HMCN2: variants seen among roughly 807,000 people sequenced by gnomAD.
HMCN2 encodes the protein hemicentin 2, also known as hemicentin-2.
A neutral mutation model predicts 377.5 loss-of-function variants in HMCN2; 325 were observed. That is an observed-to-expected ratio of 0.86 (90% CI 0.79 to 0.94). The LOEUF (loss-of-function observed/expected upper bound fraction) is 0.94, where lower values mean the gene tolerates loss of function less well. Ranked by LOEUF, HMCN2 falls within the 40% of genes least tolerant of loss-of-function variation. The pLI is 0.00. For synonymous variants in HMCN2, 2,007 were observed against 2,046.8 expected (o/e 0.98, Z 0.53); for missense variants, 4,543 against 4,725.3 (o/e 0.96, Z 1.13).
intron 15 of HMCN2, among the ~76,000 whole-genome samples, chr9:130,317,876 G>C (rs1041880190): frequency 6.6e-6 from 1 of 152,064 alleles, no homozygotes; most frequent in Admixed American, 6.5e-5. Context: ...AATTGAAAGC[G>C]GTCTGGGAGG....
Position 130,396,318 on chromosome 9 carries a change from G to A in HMCN2, c.11198+5G>A. 1 of 1,265,460 alleles carries A rather than the reference G, an allele frequency of 7.9e-7. No individual in the cohort carries two copies. The allele number at this position is 1,265,460 out of a possible 1,614,324, so 78.4% of individuals were successfully genotyped here. A position where few individuals can be genotyped will look rare whatever the true frequency, so the allele number is the denominator to read the frequency against. ...CCTGGATCCCAGGAGCCCCAGGTGG[G>A]AGAGGGAAGGGGTGGGCCTCAGGGA... is the stretch of plus-strand genomic sequence containing the variant. On this transcript the variant is annotated splice_donor_5th_base_variant and intron_variant, in intron 73 of 97. Coordinates refer to ENST00000683500, the MANE Select transcript of HMCN2 (RefSeq NM_001291815.2).
chr9:130,275,060 GC>G (rs1341003824), intron 1 of HMCN2, among the ~76,000 whole-genome samples: 2 of 152,160 alleles, frequency 1.3e-5, no homozygotes, highest in Non-Finnish European at 2.9e-5. Flanking sequence ...GCCATCTTGC[GC>G]CTGGACCCAC....
At chr9:130,396,410 C>T (rs1443718268) in intron 73 of HMCN2, 97 bp downstream of exon 73, 7 of 1,040,780 alleles carry the variant, frequency 6.7e-6, no homozygotes, top group Non-Finnish European at 7.6e-6. Flanking sequence ...AGAAAAGTGA[C>T]TTTATCATCA....
intron 24 of HMCN2, among the ~76,000 whole-genome samples, chr9:130,341,941 C>T (rs1034783690): frequency 4.6e-5 from 7 of 151,606 alleles, no homozygotes; most frequent in African/African-American, 1.2e-4. Context: ...TTTGGGAGGC[C>T]GAGGTGGGTG....
Position 130,368,416 on chromosome 9 carries a change from G to A in HMCN2, c.6766G>A (p.Asp2256Asn), listed in dbSNP as rs1303419312. 6.1e-6 allele frequency: 6 copies of A among 986,114 alleles called. No homozygotes were observed. The highest frequency in any genetic ancestry group is 7.2e-6 in the Non-Finnish European group (6 of 830,294). The allele number at this position is 986,114 out of a possible 1,614,324, so 61.1% of individuals were successfully genotyped here. The part of the protein sequence containing the change: ...CSNVVGNSSQ[D>N]LQLEVHVPPQ... Reference sequence around the variant, plus strand: ...CAACGTGGTGGGGAACAGCAGCCAGGACCTGCAGCTGGAGGTGCACGGTGG... The same window carrying A: ...CAACGTGGTGGGGAACAGCAGCCAGAACCTGCAGCTGGAGGTGCACGGTGG... Residue 2256 changes from aspartate to asparagine, a missense_variant, in exon 44 of 98, where the codon GAC (aspartate) becomes AAC (asparagine). Coordinates refer to ENST00000683500, the MANE Select transcript of HMCN2 (RefSeq NM_001291815.2).
chr9:130,295,667 G>A lies in HMCN2; in HGVS notation c.786G>A (p.Gly262=). The part of the protein sequence containing the change: ...GPEIEVQDPL[G]RILQEDEGLN... ...GAGCAGCCCTTGGGGCTTCCACAGG[G>A]AGGATCCTGCAGGAGGACGAGGGCC... Residue 262 remains glycine (G), a splice_region_variant and synonymous_variant, in exon 6 of 98, where the codon GGG becomes GGA. Coordinates refer to ENST00000683500, the MANE Select transcript of HMCN2 (RefSeq NM_001291815.2). 1 of 470,826 alleles carries A rather than the reference G, an allele frequency of 2.1e-6. No homozygotes were observed. Among genetic ancestry groups the A allele is most frequent in the South Asian group, 1.5e-5 (1 of 64,534 alleles). 29.2% of individuals were successfully genotyped at this position (470,826 alleles called of 1,614,324 possible).
chr9:130,280,975 C>T (rs567884057), intron 1 of HMCN2, among the ~76,000 whole-genome samples: 2 of 151,818 alleles, frequency 1.3e-5, no homozygotes, highest in Non-Finnish European at 1.5e-5. Flanking sequence ...TGGTGACAGG[C>T]GCCTGTAATC....
At chr9:130,368,254 G>C in intron 43 of HMCN2, 22 bp from the exon 44 acceptor site, 1 of 985,658 alleles carries the variant, frequency 1.0e-6, no homozygotes, top group South Asian at 4.7e-5. Context: ...TGGACCAGGA[G>C]TTTCTTTTTT....
chr9:130,287,951 C>G (rs1242458360), intron 4 of HMCN2, among the ~76,000 whole-genome samples: 2 of 152,150 alleles, frequency 1.3e-5, no homozygotes, highest in African/African-American at 2.4e-5. Context: ...GATTAGCGTG[C>G]CTTAACTCCC....
intron 90 of HMCN2, among the ~76,000 whole-genome samples, chr9:130,426,627 GCTGTCC>G (rs1301339211): frequency 2.0e-5 from 3 of 152,200 alleles, no homozygotes; most frequent in Non-Finnish European, 2.9e-5. Flanking sequence ...ATCAAGGCTG[GCTGTCC>G]CTACAATTTA....
rs1223240349 is a variant in HMCN2 at position 130,353,143 on chromosome 9, AC to A, written c.4803del (p.Tyr1601Ter). The A allele has an allele frequency of 7.7e-7, 1 of 1,304,170 alleles. No individual in the cohort carries two copies. Among genetic ancestry groups the A allele is most frequent in the Non-Finnish European group, 1.0e-6 (1 of 988,928 alleles). 80.8% of individuals were successfully genotyped at this position (1,304,170 alleles called of 1,614,324 possible). A position where few individuals can be genotyped will look rare whatever the true frequency, so the allele number is the denominator to read the frequency against. On this transcript the variant is annotated frameshift_variant, in exon 31 of 98. Coordinates refer to ENST00000683500, the MANE Select transcript of HMCN2 (RefSeq NM_001291815.2). LOFTEE classifies it high-confidence loss of function. ...GRAQSSDAGVYTCKASNAVGA... is the reference protein window; with the variant it reads ...GRAQSSDAGVXTCKASNAVGA... ...GCCCAGAGCTCCGATGCCGGCGTCT[AC>A]ACCTGCAAGGCCAGCAATGCTGTGG...
chr9:130,432,532 C>G lies in HMCN2; in HGVS notation c.14871C>G (p.Thr4957=). The G allele has an allele frequency of 6.4e-7, 1 of 1,550,598 alleles. No individual in the cohort carries two copies. The highest frequency in any genetic ancestry group is 8.7e-7 in the Non-Finnish European group (1 of 1,146,992). Residue 4957 remains threonine, a synonymous_variant, in exon 97 of 98, where the codon ACC becomes ACG. Coordinates refer to ENST00000683500, the MANE Select transcript of HMCN2 (RefSeq NM_001291815.2). The part of the protein sequence containing the change: ...YQCVDTPCPA[T]YRQGPSPGTC... ...GTGTGGACACACCCTGTCCTGCCAC[C>G]TACCGGCAGGGCCCCAGCCCTGGGT...
At chr9:130,331,931 A>T (rs1271116681) in intron 22 of HMCN2, among the ~76,000 whole-genome samples, 1 of 152,028 alleles carries the variant, frequency 6.6e-6, no homozygotes, top group Non-Finnish European at 1.5e-5. Flanking sequence ...TCTTCCTTTG[A>T]TACCCCCACC....
rs947490631 is a variant in HMCN2, at chr9:130,393,989, T to C, written c.10482T>C (p.His3494=). The change falls in exon 68 of 98, where the codon CAT becomes CAC. Residue 3494 remains histidine, a synonymous_variant. Coordinates refer to ENST00000683500, the MANE Select transcript of HMCN2 (RefSeq NM_001291815.2). This position sits in a 1 kb window ranked among gnomAD's most constrained non-coding sequence, Gnocchi z 5.2. ...AVSEAGEARR[H]FQLTVMEPPH... Reference sequence around the variant, plus strand: ...GCGAGGCGGGGGAAGCCAGGAGGCATTTCCAGCTGACCGTCATGGGTGGGT... The same window carrying C: ...GCGAGGCGGGGGAAGCCAGGAGGCACTTCCAGCTGACCGTCATGGGTGGGT... 9 of 1,270,204 alleles carry C rather than the reference T, an allele frequency of 7.1e-6. No individual in the cohort carries two copies. The highest frequency in any genetic ancestry group is 2.4e-5 in the Admixed American group (1 of 41,196). 78.7% of individuals were successfully genotyped at this position (1,270,204 alleles called of 1,614,324 possible).
intron 93 of HMCN2, 74 bp from the exon 94 acceptor site, chr9:130,429,483 G>C: frequency 6.5e-7 from 1 of 1,527,922 alleles, no homozygotes; most frequent in African/African-American, 1.4e-5. Flanking sequence ...AGATATGGAG[G>C]GGGATGGTCC....
chr9:130,397,760 C>A, intron 74 of HMCN2, 105 bp downstream of exon 74: 1 of 1,080,120 alleles, frequency 9.3e-7, no homozygotes, highest in Non-Finnish European at 1.2e-6. Context: ...CAATGGTCTT[C>A]AAATGTTTTT....
At chr9:130,398,792 G>A (rs1022673390) in intron 75 of HMCN2, 85 bp downstream of exon 75, 6 of 1,140,772 alleles carry the variant, frequency 5.3e-6, no homozygotes, top group African/African-American at 1.6e-5. Context: ...GGGCAGGGAC[G>A]GGGCGGGGTG....
chr9:130,355,864 G>T lies in HMCN2; in HGVS notation c.5255+10G>T. On this transcript the variant is annotated intron_variant, in intron 33 of 97. Transcript: ENST00000683500. ...CAGTACCCACTATCCAGTGAGTCTG[G>T]GGTGGTGGAGGCCAGGGCTGGGGGT... The T allele has an allele frequency of 7.8e-7, 1 of 1,282,770 alleles. No homozygotes were observed. Among genetic ancestry groups the T allele is most frequent in the Non-Finnish European group, 1.0e-6 (1 of 970,014 alleles). The allele number at this position is 1,282,770 out of a possible 1,614,324, so 79.5% of individuals were successfully genotyped here.
chr9:130,330,427 G>A (rs908137889), intron 22 of HMCN2, among the ~76,000 whole-genome samples: 3 of 152,200 alleles, frequency 2.0e-5, no homozygotes, highest in Non-Finnish European at 4.4e-5. Context: ...ATGGCACCAT[G>A]CCCAGTGCAC....
Sources: allele counts gnomAD v4.1 joint callset (sites outside exome capture counted in the v4.1 genomes callset), GRCh38; gene constraint gnomAD v4.1.1; non-coding constraint Gnocchi (gnomAD v3.1); transcripts MANE v1.5; gene names NCBI Gene and HGNC (gene_info 2026-07-23, HGNC 2026-07-21).